Variants in KLHL29 observed in about 807,000 individuals in gnomAD.
KLHL29 encodes the protein kelch-like protein 29.
In KLHL29, 21 loss-of-function variants were observed where a neutral mutation model predicts 80.4. The observed-to-expected ratio is 0.26, with a 90% CI of 0.19 to 0.38. The LOEUF is 0.38. KLHL29 is among the 10% of genes least tolerant of loss of function. The pLI is 1.00. For missense variants in KLHL29, 867 were observed against 1,223.9 expected, an observed-to-expected ratio of 0.71 and a Z score of 4.35; for synonymous variants, 511 against 526.8, an observed-to-expected ratio of 0.97 and a Z score of 0.41.
At chr2:23,649,713 C>T (rs573056504) in intron 5 of KLHL29, among the ~76,000 whole-genome samples, 6 of 152,368 alleles carry the variant, frequency 3.9e-5, no homozygotes, top group South Asian at 2.1e-4. Context: ...CCAGAGGTCC[C>T]GCTGCCGATG....
intron 1 of KLHL29, among the ~76,000 whole-genome samples, chr2:23,395,696 G>A (rs1242411929): frequency 6.6e-6 from 1 of 151,494 alleles, no homozygotes; most frequent in Non-Finnish European, 1.5e-5. Flanking sequence ...AGTGAGCTGA[G>A]ATCGCAACAC....
intron 2 of KLHL29, among the ~76,000 whole-genome samples, chr2:23,481,506 A>C (rs545740078): frequency 1.3e-5 from 2 of 152,204 alleles, no homozygotes; most frequent in Non-Finnish European, 2.9e-5. Flanking sequence ...CGCTGGAAAG[A>C]GGGTAGGAGC....
rs1183694643 is a variant in KLHL29 at position 23,631,555 on chromosome 2, C to T, written c.286-7584C>T. On this transcript the variant is annotated intron_variant, in intron 3 of 13. Coordinates refer to ENST00000486442, the MANE Select transcript of KLHL29 (RefSeq NM_052920.2). The stretch of plus-strand genomic sequence containing the variant: ...GGCTCTGAAGGGGAGGCTGAGGGTG[C>T]AGGCCTGGGGCCAGGGGGCCAGAGA... 2.6e-5 allele frequency among the ~76,000 whole-genome samples: 4 copies of T among 152,286 alleles called. No individual in the cohort carries two copies. The East Asian group carries it at 7.7e-4, about 29-fold the overall frequency.
intron 2 of KLHL29, chr2:23,524,275 C>T: frequency 3.9e-6 from 1 of 256,848 alleles, no homozygotes; most frequent in Non-Finnish European, 8.1e-6. Flanking sequence ...AGCGGGCAGG[C>T]AGGGCAGAAG....
chr2:23,488,352 A>AGCCGTCTCTGGGCATCCCCCGTC (rs1383444807), intron 2 of KLHL29, among the ~76,000 whole-genome samples: 1 of 152,236 alleles, frequency 6.6e-6, no homozygotes, highest in African/African-American at 2.4e-5. Context: ...ATGCTCTGGC[A>AGCCGTCTCTGGGCATCCCCCGTC]GCCGTCTCTG....
chr2:23,705,897 A>C (rs1209575552), intron 13 of KLHL29, among the ~76,000 whole-genome samples: 1 of 152,184 alleles, frequency 6.6e-6, no homozygotes, highest in African/African-American at 2.4e-5. Context: ...CTGAGACAAC[A>C]GGAGCAAGCC....
chr2:23,518,006 C>G (rs1251301550), intron 2 of KLHL29, among the ~76,000 whole-genome samples: 1 of 152,176 alleles, frequency 6.6e-6, no homozygotes, highest in South Asian at 2.1e-4. Flanking sequence ...ATGAGAAGTC[C>G]CCTTTCCCAG....
At chr2:23,553,786 C>T (rs1359176812) in intron 2 of KLHL29, among the ~76,000 whole-genome samples, 1 of 152,200 alleles carries the variant, frequency 6.6e-6, no homozygotes, top group Non-Finnish European at 1.5e-5. Flanking sequence ...GTTCCCTGAG[C>T]CCCCTGCCCC....
intron 2 of KLHL29, among the ~76,000 whole-genome samples, chr2:23,529,812 C>A (rs1666437707): frequency 6.6e-6 from 1 of 152,214 alleles, no homozygotes; most frequent in African/African-American, 2.4e-5. Context: ...CCTGAGACAG[C>A]CTGGGGGGCC....
At chr2:23,407,383 C>A (rs2103392650) in intron 1 of KLHL29, among the ~76,000 whole-genome samples, 1 of 151,818 alleles carries the variant, frequency 6.6e-6, no homozygotes, top group Non-Finnish European at 1.5e-5. Context: ...GGTTGCGTTT[C>A]CTTGATTACC....
intron 3 of KLHL29, among the ~76,000 whole-genome samples, chr2:23,582,579 T>C (rs1668013830): frequency 6.6e-6 from 1 of 152,174 alleles, no homozygotes; most frequent in African/African-American, 2.4e-5. Context: ...TCATCTGGTT[T>C]ATAGGCTGAA....
rs180798525 is a variant in KLHL29 at position 23,489,957 on chromosome 2, A to G, written c.-46+14290A>G. On this transcript the variant is annotated intron_variant, in intron 2 of 13. Transcript: ENST00000486442. ...TAGGTTCCACATTTGCGTTTGAAAA[A>G]ACAGTCTTCTTATCTATACTCCCCT... Among the ~76,000 whole-genome samples, 3 of 152,248 alleles carry G rather than the reference A, an allele frequency of 2.0e-5. No individual in the cohort carries two copies. The East Asian group carries it at 5.8e-4, about 29-fold the overall frequency.
At chr2:23,390,871 C>T (rs1270412039) in intron 1 of KLHL29, among the ~76,000 whole-genome samples, 2 of 152,070 alleles carry the variant, frequency 1.3e-5, no homozygotes, top group East Asian at 1.9e-4. Flanking sequence ...CCAGGCTGGT[C>T]TCGAACTCCT....
In KLHL29 at chr2:23,544,739, G is replaced by T. The variant is rs1388379372; in HGVS notation, c.-45-17413G>T. Among the ~76,000 whole-genome samples the T allele has an allele frequency of 5.3e-5, 8 of 152,322 alleles. No homozygotes were observed. The East Asian group carries it at 1.3e-3, about 26-fold the overall frequency. On this transcript the variant is annotated intron_variant, in intron 2 of 13. Transcript: ENST00000486442. ...GAACGCTGGCCGTGTGGATAGTGGG[G>T]AGGATGGGCCCGGCACAGGGAGCAG...
intron 1 of KLHL29, among the ~76,000 whole-genome samples, chr2:23,419,614 A>G (rs1186958202): frequency 6.6e-6 from 1 of 152,196 alleles, no homozygotes; most frequent in Non-Finnish European, 1.5e-5. Flanking sequence ...TCTATTCAGA[A>G]TAGATTTTTA....
intron 2 of KLHL29, among the ~76,000 whole-genome samples, chr2:23,479,421 C>T (rs1032492146): frequency 2.0e-5 from 3 of 152,080 alleles, no homozygotes; most frequent in Admixed American, 2.0e-4. Flanking sequence ...CAGCAAGTGG[C>T]CTCTCCTCCT....
At chr2:23,699,842 T>G (rs1272927541) in intron 11 of KLHL29, among the ~76,000 whole-genome samples, 4 of 152,194 alleles carry the variant, frequency 2.6e-5, no homozygotes, top group Non-Finnish European at 4.4e-5. Flanking sequence ...CAGCACTTTC[T>G]CCTACTCTCA....
At chr2:23,549,203 T>C (rs1021173139) in intron 2 of KLHL29, among the ~76,000 whole-genome samples, 1 of 152,170 alleles carries the variant, frequency 6.6e-6, no homozygotes, top group African/African-American at 2.4e-5. Context: ...TCGCTGCCAG[T>C]ATGCAAGGGG....
intron 5 of KLHL29, among the ~76,000 whole-genome samples, chr2:23,653,418 G>A (rs1157242977): frequency 6.6e-6 from 1 of 152,208 alleles, no homozygotes; most frequent in Non-Finnish European, 1.5e-5. Flanking sequence ...GGGCCGCACT[G>A]GGCCAGCTCT....
Sources: gnomAD v4.1 joint callset for allele counts (sites outside exome capture counted in the v4.1 genomes callset) on GRCh38, gnomAD v4.1.1 for gene constraint, MANE v1.5 for transcripts, NCBI Gene and HGNC (gene_info 2026-07-23, HGNC 2026-07-21) for gene names.